The following HS6ST3 variants were observed in gnomAD, a reference collection of about 807,000 sequenced individuals.
HS6ST3 encodes heparan sulfate 6-O-sulfotransferase 3, also known as heparan-sulfate 6-O-sulfotransferase 3.
HS6ST3 carries 12 observed loss-of-function variants against 36.7 expected under a neutral mutation model. The ratio of observed to expected loss-of-function variants is 0.33; its 90% CI spans 0.21 to 0.53. The LOEUF is 0.53. HS6ST3 is among the 20% of genes least tolerant of loss of function. The pLI, the probability that HS6ST3 is intolerant of heterozygous loss-of-function variation, is 0.95. For missense variants in HS6ST3, 584 were observed against 640.9 expected (o/e 0.91, Z 0.96); for synonymous variants, 240 against 257.5 (o/e 0.93, Z 0.65).
chr13:96,470,476 CA>C (rs1447533200), intron 1 of HS6ST3, among the ~76,000 whole-genome samples: 1 of 152,112 alleles, frequency 6.6e-6, no homozygotes, highest in Non-Finnish European at 1.5e-5. Context: ...TCATCTCCCA[CA>C]AAAGAAACCC....
intron 1 of HS6ST3, among the ~76,000 whole-genome samples, chr13:96,480,124 T>G (rs1035444933): frequency 6.6e-6 from 1 of 152,176 alleles, no homozygotes; most frequent in Non-Finnish European, 1.5e-5. Context: ...TGTTTGTTTG[T>G]TTATTTAAGA....
intron 1 of HS6ST3, among the ~76,000 whole-genome samples, chr13:96,397,934 A>G (rs2055430326): frequency 6.6e-6 from 1 of 152,214 alleles, no homozygotes; most frequent in African/African-American, 2.4e-5. Flanking sequence ...TTTGCTGAGT[A>G]ATCTAGTTTC....
intron 1 of HS6ST3, among the ~76,000 whole-genome samples, chr13:96,511,689 CTT>C (rs1024775766): frequency 6.6e-6 from 1 of 151,262 alleles, no homozygotes; most frequent in Admixed American, 6.6e-5. Flanking sequence ...TGTCTATTAA[CTT>C]TGCACTTGGT....
intron 1 of HS6ST3, among the ~76,000 whole-genome samples, chr13:96,585,449 C>T (rs2056357500): frequency 6.6e-6 from 1 of 152,014 alleles, no homozygotes; most frequent in Admixed American, 6.6e-5. Flanking sequence ...TTAACATATC[C>T]ATTATCTTAC....
intron 1 of HS6ST3, among the ~76,000 whole-genome samples, chr13:96,561,569 C>T (rs1385255591): frequency 6.6e-6 from 1 of 151,844 alleles, no homozygotes; most frequent in East Asian, 1.9e-4. Context: ...TTCTGCACAG[C>T]AAAAGAAATT....
chr13:96,126,408 C>G (rs1257123244), intron 1 of HS6ST3, among the ~76,000 whole-genome samples: 1 of 152,198 alleles, frequency 6.6e-6, no homozygotes, highest in Admixed American at 6.5e-5. Context: ...GTGCAACTAG[C>G]TGGGGCTGGC....
At chr13:96,285,164 G>A (rs2054795848) in intron 1 of HS6ST3, among the ~76,000 whole-genome samples, 1 of 152,058 alleles carries the variant, frequency 6.6e-6, no homozygotes, top group Admixed American at 6.6e-5. Context: ...AGGAGGCCGT[G>A]TGACAGAACT....
At chr13:96,518,288 AT>A (rs777773244) in intron 1 of HS6ST3, among the ~76,000 whole-genome samples, 2 of 152,184 alleles carry the variant, frequency 1.3e-5, no homozygotes, top group African/African-American at 2.4e-5. Context: ...TATTAATTAA[AT>A]ATGTCTTATC....
chr13:96,527,434 T>C lies in HS6ST3; in HGVS notation c.708-305056T>C, dbSNP rs139330398. Among the ~76,000 whole-genome samples, 255 of 152,356 alleles carry C rather than the reference T, an allele frequency of 1.7e-3. 2 individuals are homozygous for C. The East Asian group carries it at 0.022, about 13-fold the overall frequency. ...AAATAAAACAAAGTCTTAGCTCTCA[T>C]GTAGCTTATATTTGAGTGCGGGAAG... On this transcript the variant is annotated intron_variant, in intron 1 of 1. Coordinates refer to ENST00000376705, the MANE Select transcript of HS6ST3 (RefSeq NM_153456.4).
At chr13:96,608,510 A>G (rs1594817484) in intron 1 of HS6ST3, among the ~76,000 whole-genome samples, 1 of 152,234 alleles carries the variant, frequency 6.6e-6, no homozygotes, top group East Asian at 1.9e-4. Flanking sequence ...GCAGAAGGCT[A>G]TTGAGAGGAC....
At chr13:96,816,787 A>G (rs1268027317) in intron 1 of HS6ST3, among the ~76,000 whole-genome samples, 2 of 152,182 alleles carry the variant, frequency 1.3e-5, no homozygotes, top group African/African-American at 4.8e-5. Context: ...TCAGCGCTCC[A>G]AGAGGCTTTC....
intron 1 of HS6ST3, among the ~76,000 whole-genome samples, chr13:96,810,924 CT>C (rs2138534916): frequency 6.6e-6 from 1 of 152,274 alleles, no homozygotes; most frequent in African/African-American, 2.4e-5. Flanking sequence ...TTCCTGTAGT[CT>C]TAATTATAGG....
At chr13:96,769,361 A>G (rs1427084182) in intron 1 of HS6ST3, among the ~76,000 whole-genome samples, 1 of 151,370 alleles carries the variant, frequency 6.6e-6, no homozygotes, top group African/African-American at 2.4e-5. Flanking sequence ...TTGGTTACAT[A>G]TGTATACATG....
chr13:96,363,107 T>G (rs1201276756), intron 1 of HS6ST3, among the ~76,000 whole-genome samples: 2 of 152,000 alleles, frequency 1.3e-5, no homozygotes, highest in Non-Finnish European at 2.9e-5. Flanking sequence ...CCTATACATG[T>G]GATCGAATTG....
intron 1 of HS6ST3, among the ~76,000 whole-genome samples, chr13:96,419,488 T>C (rs943216841): frequency 1.4e-4 from 21 of 152,178 alleles, no homozygotes; most frequent in African/African-American, 5.1e-4. Flanking sequence ...GATAGATAAA[T>C]GGAGGTAGAT....
chr13:96,699,280 C>G (rs1049292245), intron 1 of HS6ST3, among the ~76,000 whole-genome samples: 9 of 152,138 alleles, frequency 5.9e-5, no homozygotes, highest in Non-Finnish European at 1.3e-4. Flanking sequence ...AGCTTCTGCA[C>G]AGCAAAAGAA....
chr13:96,549,896 A>G (rs1437225582), intron 1 of HS6ST3, among the ~76,000 whole-genome samples: 1 of 152,036 alleles, frequency 6.6e-6, no homozygotes, highest in Non-Finnish European at 1.5e-5. Context: ...CTCTGACTTC[A>G]GCAGGCCAAC....
intron 1 of HS6ST3, among the ~76,000 whole-genome samples, chr13:96,312,587 C>T (rs1339225307): frequency 6.6e-6 from 1 of 152,212 alleles, no homozygotes; most frequent in African/African-American, 2.4e-5. Context: ...TTCAAGTTCT[C>T]ATTTATTCTG....
chr13:96,807,918 T>TA (rs1878236114), intron 1 of HS6ST3, among the ~76,000 whole-genome samples: 1 of 151,946 alleles, frequency 6.6e-6, no homozygotes, highest in Non-Finnish European at 1.5e-5. Flanking sequence ...AACTGTAATT[T>TA]AAAAAGGTAA....
Sources: gnomAD v4.1 joint callset for allele counts (sites outside exome capture counted in the v4.1 genomes callset) on GRCh38, gnomAD v4.1.1 for gene constraint, MANE v1.5 for transcripts, NCBI Gene and HGNC (gene_info 2026-07-23, HGNC 2026-07-21) for gene names.